The following PTPRD variants were observed in gnomAD, a reference collection of about 807,000 sequenced individuals.
PTPRD encodes the protein receptor-type tyrosine-protein phosphatase delta.
PTPRD carries 34 observed loss-of-function variants against 214.5 expected under a neutral mutation model. The ratio of observed to expected loss-of-function variants is 0.16; its 90% CI spans 0.12 to 0.21. The LOEUF (loss-of-function observed/expected upper bound fraction) is 0.21, where lower values mean the gene tolerates loss of function less well. Among genes scored for constraint, PTPRD ranks in the 10% least tolerant of loss-of-function variants. The pLI, the probability that PTPRD is intolerant of heterozygous loss-of-function variation, is 1.00. For synonymous variants in PTPRD, 1,128 were observed against 845.7 expected, an observed-to-expected ratio of 1.33 and a Z score of -5.79; for missense variants, 2,545 against 2,398.7, an observed-to-expected ratio of 1.06 and a Z score of -1.27.
At chr9:8,498,115 C>T (rs1020838012) in intron 25 of PTPRD, among the ~76,000 whole-genome samples, 8 of 152,020 alleles carry the variant, frequency 5.3e-5, no homozygotes, top group African/African-American at 1.2e-4. Context: ...GAAGTGGCCT[C>T]GGGGTAGATA....
intron 10 of PTPRD, among the ~76,000 whole-genome samples, chr9:9,085,629 G>A (rs1028280321): frequency 6.6e-6 from 1 of 150,958 alleles, no homozygotes; most frequent in Non-Finnish European, 1.5e-5. Context: ...TTTTTAAAAT[G>A]TCACTACTCA....
chr9:9,193,218 T>G (rs911940837), intron 9 of PTPRD, among the ~76,000 whole-genome samples: 1 of 152,136 alleles, frequency 6.6e-6, no homozygotes, highest in African/African-American at 2.4e-5. Context: ...TTGATAAATA[T>G]CACTGATATG....
In PTPRD at chr9:9,107,147, T is replaced by C. The variant is rs1357356454; in HGVS notation, c.-143+76157A>G. ...GAGGATATGAGTAATGGAAGTATTG[T>C]AGGAATAGAGTGTAAGAATCTAGAG... On this transcript the variant is annotated intron_variant, in intron 10 of 45. Transcript: ENST00000381196. Among the ~76,000 whole-genome samples the C allele has an allele frequency of 2.0e-5, 3 of 152,292 alleles. No individual in the cohort carries two copies. The East Asian group carries it at 5.8e-4, about 29-fold the overall frequency.
intron 3 of PTPRD, among the ~76,000 whole-genome samples, chr9:10,324,412 G>A (rs970728936): frequency 6.6e-6 from 1 of 151,952 alleles, no homozygotes; most frequent in African/African-American, 2.4e-5. Flanking sequence ...ATAATTGATG[G>A]CAAGTCGGTA....
chr9:9,657,357 A>G (rs898820997), intron 7 of PTPRD, among the ~76,000 whole-genome samples: 2 of 152,150 alleles, frequency 1.3e-5, no homozygotes, highest in African/African-American at 4.8e-5. Flanking sequence ...CAAGAAGAAA[A>G]AAACAAACAC....
rs556049460 is a variant in PTPRD, at chr9:9,422,785, GCT to G, written c.-236-25305_-236-25304del. Among the ~76,000 whole-genome samples, 19 of 152,250 alleles carry G rather than the reference GCT, an allele frequency of 1.2e-4. No individual in the cohort carries two copies. In the South Asian group the frequency reaches 2.1e-3, roughly 17 times the overall value. On this transcript the variant is annotated intron_variant, in intron 8 of 45. Transcript: ENST00000381196. ...AGAGAGGAACCCAGGAGTTAGCCCA[GCT>G]CTTTGAGATAGTTTTCCTTGAGACC...
At chr9:10,102,071 T>C (rs970341739) in intron 3 of PTPRD, among the ~76,000 whole-genome samples, 1 of 151,798 alleles carries the variant, frequency 6.6e-6, no homozygotes, top group South Asian at 2.1e-4. Context: ...GTTAAATTTT[T>C]ACCCATTTTG....
chr9:9,992,382 G>C (rs1487444027), intron 4 of PTPRD, among the ~76,000 whole-genome samples: 1 of 152,172 alleles, frequency 6.6e-6, no homozygotes, highest in African/African-American at 2.4e-5. Flanking sequence ...CATTGTGGAA[G>C]CCAGTGTGGC....
At chr9:8,507,484 A>C in intron 21 of PTPRD, 50 bp from the exon 22 acceptor site, 1 of 1,610,612 alleles carries the variant, frequency 6.2e-7, no homozygotes, top group Non-Finnish European at 8.5e-7. Context: ...AGGAGTATTC[A>C]CAAAGTTCTT....
intron 11 of PTPRD, among the ~76,000 whole-genome samples, chr9:8,881,873 T>G (rs2098449010): frequency 6.6e-6 from 1 of 152,254 alleles, no homozygotes; most frequent in Non-Finnish European, 1.5e-5. Context: ...TTCTGGATTC[T>G]TAATGAGCTT....
intron 10 of PTPRD, among the ~76,000 whole-genome samples, chr9:9,096,535 A>G (rs760489303): frequency 3.0e-4 from 45 of 152,202 alleles, no homozygotes; most frequent in African/African-American, 6.0e-4. Flanking sequence ...AGAAAACTAT[A>G]TAAGATATAG....
At chr9:8,621,283 T>A (rs1038068359) in intron 14 of PTPRD, among the ~76,000 whole-genome samples, 11 of 151,940 alleles carry the variant, frequency 7.2e-5, no homozygotes, top group Non-Finnish European at 1.3e-4. Flanking sequence ...ACAGGAAGCG[T>A]GGTCCCTGAG....
intron 12 of PTPRD, among the ~76,000 whole-genome samples, chr9:8,714,400 C>T (rs938675547): frequency 1.3e-5 from 2 of 152,048 alleles, no homozygotes; most frequent in Admixed American, 1.3e-4. Flanking sequence ...AGCCTTGGCA[C>T]AAGCTTTTTT....
intron 8 of PTPRD, among the ~76,000 whole-genome samples, chr9:9,560,716 C>G (rs1040940366): frequency 6.6e-6 from 1 of 152,188 alleles, no homozygotes; most frequent in Admixed American, 6.5e-5. Flanking sequence ...GCAGAAAGTA[C>G]ACTCTGGGGC....
chr9:10,262,435 G>A (rs936375746), intron 3 of PTPRD, among the ~76,000 whole-genome samples: 1 of 152,070 alleles, frequency 6.6e-6, no homozygotes, highest in Non-Finnish European at 1.5e-5. Context: ...CAGAAGATTT[G>A]AGCCATTTGT....
At chr9:8,457,807 A>C (rs947011904) in intron 33 of PTPRD, among the ~76,000 whole-genome samples, 4 of 152,106 alleles carry the variant, frequency 2.6e-5, no homozygotes, top group Admixed American at 2.6e-4. Context: ...AATAATAATA[A>C]TACTTTCAAT....
chr9:10,313,186 C>A (rs2096317489), intron 3 of PTPRD, among the ~76,000 whole-genome samples: 3 of 151,844 alleles, frequency 2.0e-5, no homozygotes, highest in Admixed American at 2.0e-4. Context: ...TAACTTCCAC[C>A]ATTTGACAAT....
chr9:8,480,552 T>G (rs2096859694), intron 30 of PTPRD, among the ~76,000 whole-genome samples: 1 of 152,156 alleles, frequency 6.6e-6, no homozygotes, highest in African/African-American at 2.4e-5. Flanking sequence ...CGTTGACTAT[T>G]AGGGTATGTG....
chr9:9,248,616 C>G (rs1329599544), intron 9 of PTPRD, among the ~76,000 whole-genome samples: 1 of 151,894 alleles, frequency 6.6e-6, no homozygotes, highest in Non-Finnish European at 1.5e-5. Flanking sequence ...ACCTGGTGTT[C>G]TGTGTTGAAA....
Sources: gnomAD v4.1 joint callset for allele counts (sites outside exome capture counted in the v4.1 genomes callset) on GRCh38, gnomAD v4.1.1 for gene constraint, MANE v1.5 for transcripts, NCBI Gene and HGNC (gene_info 2026-07-23, HGNC 2026-07-21) for gene names.